The following PDGFRB variants were observed in gnomAD, a reference collection of about 807,000 sequenced individuals.
PDGFRB encodes platelet-derived growth factor receptor beta.
A neutral mutation model predicts 120.2 loss-of-function variants in PDGFRB; 42 were observed. That is an observed-to-expected ratio of 0.35 (90% confidence interval 0.27 to 0.45). The LOEUF is 0.45. Ranked by LOEUF, PDGFRB falls within the 20% of genes least tolerant of loss-of-function variation. The pLI, the probability that PDGFRB is intolerant of heterozygous loss-of-function variation, is 1.00. For missense variants in PDGFRB, 1,149 were observed against 1,476.3 expected, an observed-to-expected ratio of 0.78 and a Z score of 3.63; for synonymous variants, 586 against 606.8, an observed-to-expected ratio of 0.97 and a Z score of 0.50.
Position 150,126,381 on chromosome 5 carries a change from G to A in PDGFRB, c.1674+139C>T, listed in dbSNP as rs185703460. ...GGTGGAGGAAGCTGAGACAGCCAGC[G>A]TCACAAGTCCCCACCTGAGTTCCAT... is the stretch of plus-strand genomic sequence containing the variant. On this transcript the variant is annotated intron_variant, in intron 11 of 22. Transcript: ENST00000261799. 65 of 661,958 alleles carry A rather than the reference G, an allele frequency of 9.8e-5. No homozygotes were observed. The Middle Eastern group carries it at 1.4e-3, about 15-fold the overall frequency. The allele number at this position is 661,958 out of a possible 1,614,324, so 41.0% of individuals were successfully genotyped here. A position where few individuals can be genotyped will look rare whatever the true frequency, so the allele number is the denominator to read the frequency against.
At chr5:150,131,072 T>C (rs1177080751) in intron 8 of PDGFRB, among the ~76,000 whole-genome samples, 3 of 152,238 alleles carry the variant, frequency 2.0e-5, no homozygotes, top group African/African-American at 7.2e-5. Flanking sequence ...AGGTTACATT[T>C]TGTCTTTCAA....
intron 6 of PDGFRB, among the ~76,000 whole-genome samples, chr5:150,133,294 G>T (rs1054439083): frequency 1.3e-5 from 2 of 152,104 alleles, no homozygotes; most frequent in Non-Finnish European, 2.9e-5. Context: ...TGGGGCTGGG[G>T]CTCTGGCTAG....
intron 21 of PDGFRB, 45 bp downstream of exon 21, chr5:150,118,702 G>A (rs1243182354): frequency 8.5e-7 from 1 of 1,180,274 alleles, no homozygotes; most frequent in Non-Finnish European, 1.3e-6. Flanking sequence ...TCTGACTTCT[G>A]CACCAGAGCT....
intron 22 of PDGFRB, among the ~76,000 whole-genome samples, chr5:150,116,512 G>C (rs1308903490): frequency 1.3e-5 from 2 of 152,106 alleles, no homozygotes; most frequent in Non-Finnish European, 2.9e-5. Flanking sequence ...GGGAGGCTGA[G>C]GCAGGAGAAT....
intron 6 of PDGFRB, 122 bp downstream of exon 6, chr5:150,133,464 C>T (rs1453413281): frequency 1.2e-5 from 10 of 815,916 alleles, no homozygotes; most frequent in Non-Finnish European, 2.1e-5. Flanking sequence ...GCACTGGGTC[C>T]AGCTCAGCCC....
At chr5:150,149,339 G>A (rs373624800) in intron 1 of PDGFRB, among the ~76,000 whole-genome samples, 14 of 152,284 alleles carry the variant, frequency 9.2e-5, no homozygotes, top group East Asian at 7.7e-4. Context: ...GGAAATGCAG[G>A]GCTCTTTGTT....
Position 150,133,604 on chromosome 5 carries a change from T to C in PDGFRB, c.916A>G (p.Ile306Val), listed in dbSNP as rs1760537129. 4 of 1,614,088 alleles carry C rather than the reference T, an allele frequency of 2.5e-6. No individual in the cohort carries two copies. In the South Asian group the frequency reaches 4.4e-5, roughly 18 times the overall value. The change falls in exon 6 of 23, where the codon ATC becomes GTC. Residue 306 changes from isoleucine to valine, a missense_variant. Coordinates refer to ENST00000261799, the MANE Select transcript of PDGFRB (RefSeq NM_002609.4). Reference sequence around the variant, plus strand: ...CACACACCAACCACGGTGATGTTGATGGCCTTTTCATCCTGATGGTCATTC... The same window carrying C: ...CACACACCAACCACGGTGATGTTGACGGCCTTTTCATCCTGATGGTCATTC... ...SVNDHQDEKA[I>V]NITVVESGYV...
chr5:150,137,030 C>T lies in PDGFRB; in HGVS notation c.18G>A (p.Ala6=), dbSNP rs201570042. 9.7e-5 allele frequency: 156 copies of T among 1,613,564 alleles called. No individual in the cohort carries two copies. Among genetic ancestry groups the T allele is most frequent in the Non-Finnish European group, 1.2e-4 (142 of 1,179,734 alleles). MRLPG[A]MPALALKGEL... is the part of the protein sequence containing the mutation. ...CACCTTTGAGGGCCAGAGCTGGCAT[C>T]GCACCCGGAAGCCGCATGGTGTCCT... The change falls in exon 2 of 23, where the codon GCG becomes GCA. Residue 6 remains alanine, a synonymous_variant. Transcript: ENST00000261799.
At chr5:150,128,461 G>A (rs1340410177) in intron 10 of PDGFRB, among the ~76,000 whole-genome samples, 1 of 152,182 alleles carries the variant, frequency 6.6e-6, no homozygotes, top group African/African-American at 2.4e-5. Context: ...TTGGAGCCCT[G>A]CCTGCTCTAG....
At position 150,124,720 on chromosome 5, in the gene PDGFRB, T is replaced by G; in HGVS notation, c.1912+7A>C. On this transcript the variant is annotated splice_region_variant and intron_variant, in intron 13 of 22. Transcript: ENST00000261799. ...CCCAGATGTGGAGGGCTCCAAGGACTACTCACATTTAAGCATCTTGACGGC... is the reference window on the plus strand; with the variant it reads ...CCCAGATGTGGAGGGCTCCAAGGACGACTCACATTTAAGCATCTTGACGGC... The G allele has an allele frequency of 5.8e-6, 8 of 1,367,874 alleles. No individual in the cohort carries two copies. The highest frequency in any genetic ancestry group is 8.3e-6 in the Non-Finnish European group (8 of 960,912). The allele number at this position is 1,367,874 out of a possible 1,614,324, so 84.7% of individuals were successfully genotyped here.
chr5:150,155,283 T>TAAAAA (rs1761198889), intron 1 of PDGFRB, 114 bp downstream of exon 1: 1 of 278,208 alleles, frequency 3.6e-6, no homozygotes, highest in Non-Finnish European at 6.6e-6. Context: ...CTTGTTTTGT[T>TAAAAA]AAAAATATCT....
chr5:150,146,313 CA>C (rs1313008345), intron 1 of PDGFRB, among the ~76,000 whole-genome samples: 1 of 152,208 alleles, frequency 6.6e-6, no homozygotes, highest in Non-Finnish European at 1.5e-5. Flanking sequence ...AATCTGGAAA[CA>C]AACAAAAGTC....
intron 10 of PDGFRB, among the ~76,000 whole-genome samples, chr5:150,127,269 C>CT (rs998630558): frequency 2.2e-4 from 33 of 152,198 alleles, no homozygotes; most frequent in Non-Finnish European, 4.6e-4. Context: ...GCCTCAGCCT[C>CT]TTCGCTGTAC....
intron 1 of PDGFRB, 92 bp from the exon 2 acceptor site, chr5:150,137,145 C>T: frequency 9.5e-7 from 1 of 1,050,942 alleles, no homozygotes; most frequent in Non-Finnish European, 1.4e-6. Context: ...TGAGCCCCAG[C>T]TTGGGCCACC....
At chr5:150,115,979 G>A (rs1759918277) in intron 22 of PDGFRB, 33 bp from the exon 23 acceptor site, 2 of 1,542,320 alleles carry the variant, frequency 1.3e-6, no homozygotes, top group Non-Finnish European at 1.8e-6. Context: ...GAGGGGCTAG[G>A]AAGGAGCCCA....
chr5:150,120,948 G>T lies in PDGFRB; in HGVS notation c.2526C>A (p.Ile842=). The part of the protein sequence containing the change: ...VLICEGKLVK[I]CDFGLARDIM... The stretch of plus-strand genomic sequence containing the variant: ...TGTCTCGAGCCAGGCCAAAGTCACA[G>T]ATCTTGACCAGCTTGCCTTCACAGA... Residue 842 remains isoleucine (I), a synonymous_variant, in exon 18 of 23, where the codon ATC becomes ATA. Transcript: ENST00000261799. This position sits in a 1 kb window ranked among gnomAD's most constrained non-coding sequence, Gnocchi z 4.3. The T allele has an allele frequency of 6.2e-7, 1 of 1,613,924 alleles. No individual in the cohort carries two copies.
rs755989080 is a variant in PDGFRB, at chr5:150,135,614, T to A, written c.305A>T (p.His102Leu). The change falls in exon 3 of 23, where the codon CAC (histidine) becomes CTC (leucine). Residue 102 changes from histidine to leucine, a missense_variant. Around this residue, in one of 3 missense-constraint regions of PDGFRB, gnomAD observed 879 missense variants for 1,108.6 expected, o/e 0.79. Transcript: ENST00000261799. ...GLDTGEYFCT[H>L]NDSRGLETDE... ...GGTCTCCAGTCCACGGGAGTCATTGTGGGTGCAAAAGTATTCTCCCGTGTC... is the reference window on the plus strand; with the variant it reads ...GGTCTCCAGTCCACGGGAGTCATTGAGGGTGCAAAAGTATTCTCCCGTGTC... The A allele has an allele frequency of 6.2e-7, 1 of 1,613,966 alleles. No homozygotes were observed. The highest frequency in any genetic ancestry group is 8.5e-7 in the Non-Finnish European group (1 of 1,179,870).
At chr5:150,145,872 C>T (rs1240590857) in intron 1 of PDGFRB, among the ~76,000 whole-genome samples, 2 of 152,064 alleles carry the variant, frequency 1.3e-5, no homozygotes, top group South Asian at 2.1e-4. Flanking sequence ...AGTGAAACTC[C>T]GTCTCAAAAA....
rs1289430637 is a variant in PDGFRB, at chr5:150,117,542, G to GCACACACACACA, written c.3137+75_3137+76insTGTGTGTGTGTG. On this transcript the variant is annotated intron_variant, in intron 22 of 22. Coordinates refer to ENST00000261799, the MANE Select transcript of PDGFRB (RefSeq NM_002609.4). ...CAAACCTGGCAGCGCGCGCGCGCGCGCGCACACACACACACACACACACAC... is the reference window on the plus strand; with the variant it reads ...CAAACCTGGCAGCGCGCGCGCGCGCGCACACACACACACGCACACACACACACACACACACAC... The GCACACACACACA allele has an allele frequency of 1.3e-4, 60 of 463,290 alleles. No homozygotes were observed. The African/African-American group carries it at 1.7e-3, about 13-fold the overall frequency. 28.7% of individuals were successfully genotyped at this position (463,290 alleles called of 1,614,324 possible). A position where few individuals can be genotyped will look rare whatever the true frequency, so the allele number is the denominator to read the frequency against.
Sources: allele counts gnomAD v4.1 joint callset (sites outside exome capture counted in the v4.1 genomes callset), GRCh38; gene constraint gnomAD v4.1.1; regional missense constraint gnomAD v4.1.1; non-coding constraint Gnocchi (gnomAD v3.1); transcripts MANE v1.5; gene names NCBI Gene and HGNC (gene_info 2026-07-23, HGNC 2026-07-21).